Variants in MSH3 observed in about 807,000 individuals in gnomAD.
MSH3 encodes DNA mismatch repair protein Msh3.
MSH3 carries 106 observed loss-of-function variants against 123.3 expected under a neutral mutation model. The ratio of observed to expected loss-of-function variants is 0.86; its 90% CI spans 0.73 to 1.01. The LOEUF (loss-of-function observed/expected upper bound fraction) is 1.01, where lower values mean the gene tolerates loss of function less well. Among genes scored for constraint, MSH3 ranks in the 50% least tolerant of loss-of-function variants. The pLI is 0.00. For synonymous variants in MSH3, 515 were observed against 481.4 expected (o/e 1.07, Z -0.91); for missense variants, 1,459 against 1,347.6 (o/e 1.08, Z -1.29).
intron 3 of MSH3, among the ~76,000 whole-genome samples, chr5:80,665,709 G>T (rs972100258): frequency 6.6e-6 from 1 of 152,290 alleles, no homozygotes; most frequent in South Asian, 2.1e-4. Flanking sequence ...CATGATTACC[G>T]TGGAAAATCA....
At chr5:80,850,036 C>T (rs1311982917) in intron 20 of MSH3, among the ~76,000 whole-genome samples, 2 of 152,162 alleles carry the variant, frequency 1.3e-5, no homozygotes, top group Non-Finnish European at 2.9e-5. Flanking sequence ...AGATCATCCT[C>T]TGCCTAAATC....
chr5:80,667,626 C>T (rs766398259), intron 3 of MSH3, among the ~76,000 whole-genome samples: 4 of 152,220 alleles, frequency 2.6e-5, no homozygotes, highest in Non-Finnish European at 4.4e-5. Context: ...GGCCCCTGTG[C>T]ACTGCCAGGC....
chr5:80,763,007 T>A (rs1168824767), intron 13 of MSH3, among the ~76,000 whole-genome samples: 1 of 152,028 alleles, frequency 6.6e-6, no homozygotes, highest in East Asian at 1.9e-4. Context: ...CCACTATGCC[T>A]GGCTAATTTT....
At chr5:80,718,311 G>A (rs1313978707) in intron 8 of MSH3, among the ~76,000 whole-genome samples, 1 of 152,142 alleles carries the variant, frequency 6.6e-6, no homozygotes, top group Non-Finnish European at 1.5e-5. Flanking sequence ...AGAGACAAAG[G>A]TCTTGCTATG....
intron 8 of MSH3, among the ~76,000 whole-genome samples, chr5:80,698,790 C>CGG (rs1177716454): frequency 7.3e-6 from 1 of 136,662 alleles, no homozygotes; most frequent in Non-Finnish European, 1.6e-5. Flanking sequence ...CCTCACACAC[C>CGG]GGGGGGCCTG....
At chr5:80,746,383 T>C in intron 12 of MSH3, 1 of 414,660 alleles carries the variant, frequency 2.4e-6, no homozygotes, top group Non-Finnish European at 4.8e-6. Flanking sequence ...CTGGGTTTCC[T>C]CTTCTTCAGT....
intron 16 of MSH3, 75 bp from the exon 17 acceptor site, chr5:80,778,645 A>G (rs1744348421): frequency 2.4e-6 from 2 of 832,218 alleles, no homozygotes; most frequent in South Asian, 2.7e-5. Flanking sequence ...ATAAATAACT[A>G]ATTTTCTAAA....
intron 10 of MSH3, among the ~76,000 whole-genome samples, chr5:80,736,168 G>C (rs980752812): frequency 7.2e-5 from 11 of 152,170 alleles, no homozygotes; most frequent in Non-Finnish European, 1.2e-4. Flanking sequence ...GGAGGTTGCA[G>C]TGAGCCGAGA....
intron 22 of MSH3, among the ~76,000 whole-genome samples, chr5:80,869,782 G>GTATACATATATACATATATA (rs1746172410): frequency 7.7e-6 from 1 of 129,226 alleles, no homozygotes; most frequent in Non-Finnish European, 1.6e-5. Context: ...CTTTATATAT[G>GTATACATATATACATATATA]TATACATATA....
At chr5:80,719,995 G>A (rs1283838982) in intron 8 of MSH3, among the ~76,000 whole-genome samples, 1 of 152,158 alleles carries the variant, frequency 6.6e-6, no homozygotes, top group African/African-American at 2.4e-5. Flanking sequence ...AAGTCCCCAG[G>A]TGGTGGTGAT....
At chr5:80,797,191 T>TA (rs2112032128) in intron 19 of MSH3, among the ~76,000 whole-genome samples, 1 of 151,202 alleles carries the variant, frequency 6.6e-6, no homozygotes, top group South Asian at 2.1e-4. Context: ...CCCTCTCACA[T>TA]ACCCTCGCCA....
intron 3 of MSH3, among the ~76,000 whole-genome samples, chr5:80,667,378 T>C (rs1650663): frequency 0.28 from 42,204 of 152,110 alleles, 6,096 homozygotes; most frequent in Middle Eastern, 0.35. Flanking sequence ...AAGGCATTCT[T>C]AGGTATAGGA....
chr5:80,824,343 CGG>C (rs1561490163), intron 20 of MSH3, among the ~76,000 whole-genome samples: 1 of 150,282 alleles, frequency 6.7e-6, no homozygotes, highest in Admixed American at 6.7e-5. Flanking sequence ...CCCTCCCGGA[CGG>C]GGCGGCTGGC....
At chr5:80,681,274 T>C (rs1749963183) in intron 8 of MSH3, among the ~76,000 whole-genome samples, 1 of 152,110 alleles carries the variant, frequency 6.6e-6, no homozygotes, top group East Asian at 1.9e-4. Context: ...TTTACAGAAC[T>C]AAAAAAATTA....
At chr5:80,865,374 A>G (rs1179208319) in intron 22 of MSH3, among the ~76,000 whole-genome samples, 2 of 152,282 alleles carry the variant, frequency 1.3e-5, no homozygotes, top group Admixed American at 6.5e-5. Context: ...TGTACTGGAC[A>G]TAGGTTTTTA....
At chr5:80,681,710 AT>A (rs993071602) in intron 8 of MSH3, among the ~76,000 whole-genome samples, 44 of 151,956 alleles carry the variant, frequency 2.9e-4, no homozygotes, top group Admixed American at 1.8e-3. Context: ...CAACACATTC[AT>A]TTTTTTGTTT....
At chr5:80,707,533 G>A (rs1392131392) in intron 8 of MSH3, among the ~76,000 whole-genome samples, 2 of 151,852 alleles carry the variant, frequency 1.3e-5, no homozygotes, top group African/African-American at 4.8e-5. Context: ...GACCAGCCTG[G>A]GCAACATAGT....
chr5:80,686,159 A>T (rs1750084031), intron 8 of MSH3, among the ~76,000 whole-genome samples: 1 of 152,184 alleles, frequency 6.6e-6, no homozygotes, highest in East Asian at 1.9e-4. Flanking sequence ...TTCTGCAACC[A>T]TTGAATGAAA....
At chr5:80,666,398 C>T (rs1231275855) in intron 3 of MSH3, among the ~76,000 whole-genome samples, 11 of 152,158 alleles carry the variant, frequency 7.2e-5, no homozygotes, top group Non-Finnish European at 2.9e-5. Context: ...TCACACCTTT[C>T]CCACAAAGCC....
Sources: allele counts gnomAD v4.1 joint callset (sites outside exome capture counted in the v4.1 genomes callset), GRCh38; gene constraint gnomAD v4.1.1; transcripts MANE v1.5; gene names NCBI Gene and HGNC (gene_info 2026-07-23, HGNC 2026-07-21).